ARFGAP3: variants seen among roughly 807,000 people sequenced by gnomAD.
ARFGAP3 encodes the protein ADP-ribosylation factor GTPase-activating protein 3.
ARFGAP3 carries 72 observed loss-of-function variants against 75.0 expected under a neutral mutation model. That is an observed-to-expected ratio of 0.96 (90% CI 0.79 to 1.17). The LOEUF is 1.17. Among genes scored for constraint, ARFGAP3 ranks in the 50% most tolerant of loss-of-function variants. ARFGAP3 has a pLI of 0.00. For synonymous variants in ARFGAP3, 221 were observed against 217.9 expected (o/e 1.01, Z -0.13); for missense variants, 620 against 626.6 (o/e 0.99, Z 0.11).
At chr22:42,832,806 C>T (rs1246375140) in intron 5 of ARFGAP3, among the ~76,000 whole-genome samples, 37 of 151,460 alleles carry the variant, frequency 2.4e-4, no homozygotes, top group Admixed American at 2.3e-3. Flanking sequence ...ACCAACATGG[C>T]GAAACCCCGT....
In ARFGAP3 at chr22:42,831,567, T is replaced by C. The variant is rs368167965; in HGVS notation, c.547A>G (p.Thr183Ala). 22 of 1,613,944 alleles carry C rather than the reference T, an allele frequency of 1.4e-5. No homozygotes were observed. The highest frequency in any genetic ancestry group is 2.2e-5 in the East Asian group (1 of 44,842). Residue 183 changes from threonine (T) to alanine (A), a missense_variant, in exon 6 of 16, where the codon ACT becomes GCT. Transcript: ENST00000263245. ...SSLTSRPVET[T>A]LENNEGGQEQ... ...ACTCCACCTTCATTATTTTCCAAAG[T>C]GGTTTCCACAGGCCTTGATGTTAAA...
At position 42,834,231 on chromosome 22, in the gene ARFGAP3, A is replaced by G; in HGVS notation, c.477+11T>C. On this transcript the variant is annotated intron_variant, in intron 5 of 15. Transcript: ENST00000263245. ...AGCACACTTTAAAATGATGTGAAGC[A>G]TAATACATACCTCAGGAGAAACGTG... 2 of 1,611,978 alleles carry G rather than the reference A, an allele frequency of 1.2e-6. No individual in the cohort carries two copies. The highest frequency in any genetic ancestry group is 8.5e-7 in the Non-Finnish European group (1 of 1,179,236).
chr22:42,836,133 C>T (rs1275096155), intron 3 of ARFGAP3, among the ~76,000 whole-genome samples: 1 of 152,052 alleles, frequency 6.6e-6, no homozygotes, highest in South Asian at 2.1e-4. Flanking sequence ...CAGGTGTGTG[C>T]CACCACGCCT....
chr22:42,843,433 CT>C (rs1333436938), intron 2 of ARFGAP3, among the ~76,000 whole-genome samples: 1 of 152,140 alleles, frequency 6.6e-6, no homozygotes. Context: ...TGAGGTCTCA[CT>C]ATGTTGCCCA....
At chr22:42,799,848 A>T (rs981535934) in intron 14 of ARFGAP3, among the ~76,000 whole-genome samples, 2 of 152,198 alleles carry the variant, frequency 1.3e-5, no homozygotes, top group Non-Finnish European at 2.9e-5. Flanking sequence ...ATGCTGTCTG[A>T]CTGTGACTTA....
At chr22:42,854,362 C>T (rs561597520) in intron 1 of ARFGAP3, among the ~76,000 whole-genome samples, 2 of 152,354 alleles carry the variant, frequency 1.3e-5, no homozygotes, top group South Asian at 2.1e-4. Context: ...CGGTGGCTCA[C>T]GCCTGTAATC....
rs1927543177 is a variant in ARFGAP3, at chr22:42,857,154, A to C, written c.29T>G (p.Leu10Trp). The part of the protein sequence containing the change: MGDPSKQDI[L>W]TIFKRLRSVP... ...CGAGCGGAGGCGCTTGAAGATGGTC[A>C]AGATGTCCTGCTTGCTGGGGTCCCC... is the stretch of plus-strand genomic sequence containing the variant. The change falls in exon 1 of 16, where the codon TTG becomes TGG. Residue 10 changes from leucine to tryptophan, a missense_variant. By Grantham distance (61) the Leu-to-Trp change is moderately conservative. Transcript: ENST00000263245. 6.6e-7 allele frequency: 1 copy of C among 1,515,822 alleles called. No individual in the cohort carries two copies. The highest frequency in any genetic ancestry group is 1.2e-5 in the South Asian group (1 of 81,062). 93.9% of individuals were successfully genotyped at this position (1,515,822 alleles called of 1,614,324 possible).
chr22:42,810,339 C>T (rs1485395448), intron 12 of ARFGAP3, among the ~76,000 whole-genome samples: 1 of 151,932 alleles, frequency 6.6e-6, no homozygotes, highest in Non-Finnish European at 1.5e-5. Flanking sequence ...TGGTGTGCAC[C>T]GGTAGTCTCA....
chr22:42,856,205 G>C (rs896006392), intron 1 of ARFGAP3, among the ~76,000 whole-genome samples: 2 of 152,284 alleles, frequency 1.3e-5, no homozygotes, highest in Middle Eastern at 3.4e-3. Context: ...GGGCTCCCCT[G>C]TACCATCAAG....
At chr22:42,800,961 C>T (rs1924828333) in intron 14 of ARFGAP3, among the ~76,000 whole-genome samples, 1 of 152,220 alleles carries the variant, frequency 6.6e-6, no homozygotes. Flanking sequence ...GTACTGAGGA[C>T]ACAGCTACAG....
intron 10 of ARFGAP3, chr22:42,817,465 C>A (rs778401285): frequency 2.8e-5 from 8 of 289,134 alleles, no homozygotes; most frequent in Non-Finnish European, 4.1e-5. Context: ...ACACCAAATG[C>A]AGTCACAAAT....
At chr22:42,812,333 G>A (rs1483130402) in intron 11 of ARFGAP3, among the ~76,000 whole-genome samples, 1 of 151,494 alleles carries the variant, frequency 6.6e-6, no homozygotes, top group Non-Finnish European at 1.5e-5. Flanking sequence ...GGCAGTCCAA[G>A]AAGTTCAGAG....
At chr22:42,806,011 C>A (rs1925104236) in intron 14 of ARFGAP3, among the ~76,000 whole-genome samples, 1 of 152,246 alleles carries the variant, frequency 6.6e-6, no homozygotes, top group Admixed American at 6.5e-5. Context: ...GTCCGACACT[C>A]AGACCTCTCT....
At chr22:42,838,301 C>CTT (rs1180613010) in intron 3 of ARFGAP3, among the ~76,000 whole-genome samples, 4 of 98,866 alleles carry the variant, frequency 4.0e-5, no homozygotes, top group Middle Eastern at 4.8e-3. Context: ...TTTTTTTTTT[C>CTT]TTTTTTTTTT....
chr22:42,840,476 G>A (rs956253475), intron 3 of ARFGAP3, among the ~76,000 whole-genome samples: 5 of 151,758 alleles, frequency 3.3e-5, no homozygotes, highest in Non-Finnish European at 2.9e-5. Flanking sequence ...GAGTGCAGTG[G>A]TGTGATCTCG....
At chr22:42,825,608 C>T (rs1926003284) in intron 7 of ARFGAP3, among the ~76,000 whole-genome samples, 1 of 151,416 alleles carries the variant, frequency 6.6e-6, no homozygotes, top group African/African-American at 2.4e-5. Flanking sequence ...CCAGGAGGCA[C>T]CGGGAGGCAG....
At chr22:42,797,940 A>C (rs1924678418) in intron 15 of ARFGAP3, among the ~76,000 whole-genome samples, 2 of 152,222 alleles carry the variant, frequency 1.3e-5, no homozygotes, top group African/African-American at 4.8e-5. Flanking sequence ...AGCAAGTGGG[A>C]AACGGAAGAC....
At chr22:42,827,494 G>C (rs1003006297) in intron 6 of ARFGAP3, among the ~76,000 whole-genome samples, 1 of 152,172 alleles carries the variant, frequency 6.6e-6, no homozygotes, top group Non-Finnish European at 1.5e-5. Context: ...GGCCACCCGA[G>C]TAGCTGGGAT....
chr22:42,831,344 T>G (rs886484306), intron 6 of ARFGAP3, among the ~76,000 whole-genome samples: 1 of 150,814 alleles, frequency 6.6e-6, no homozygotes, highest in Non-Finnish European at 1.5e-5. Context: ...GGTTTCAGTT[T>G]TTTTTTTTTT....
Sources: allele counts gnomAD v4.1 joint callset (sites outside exome capture counted in the v4.1 genomes callset), GRCh38; gene constraint gnomAD v4.1.1; transcripts MANE v1.5; gene names NCBI Gene and HGNC (gene_info 2026-07-23, HGNC 2026-07-21).